Variants in RBMS3 observed in about 807,000 individuals in gnomAD.
The protein encoded by RBMS3 is RNA-binding motif, single-stranded-interacting protein 3.
In RBMS3, 27 loss-of-function variants were observed where a neutral mutation model predicts 66.8. The ratio of observed to expected loss-of-function variants is 0.40; its 90% CI spans 0.30 to 0.56. The LOEUF is 0.56. Ranked by LOEUF, RBMS3 falls within the 20% of genes least tolerant of loss-of-function variation. The pLI, the probability that RBMS3 is intolerant of heterozygous loss-of-function variation, is 0.40. For synonymous variants in RBMS3, 188 were observed against 183.0 expected, an observed-to-expected ratio of 1.03 and a Z score of -0.22; for missense variants, 513 against 549.5, an observed-to-expected ratio of 0.93 and a Z score of 0.66.
intron 1 of RBMS3, among the ~76,000 whole-genome samples, chr3:29,416,549 TTC>T (rs2040484895): frequency 6.6e-6 from 1 of 152,160 alleles, no homozygotes; most frequent in African/African-American, 2.4e-5. Context: ...CATTTTTTTT[TTC>T]CTTGCAGTGG....
chr3:29,446,020 A>G (rs188599041), intron 2 of RBMS3, among the ~76,000 whole-genome samples: 75 of 152,328 alleles, frequency 4.9e-4, no homozygotes, highest in African/African-American at 1.7e-3. Context: ...AACAATCAAG[A>G]TATAAAACAT....
At chr3:29,886,134 T>A (rs2059863931) in intron 8 of RBMS3, among the ~76,000 whole-genome samples, 1 of 151,858 alleles carries the variant, frequency 6.6e-6, no homozygotes, top group Non-Finnish European at 1.5e-5. Flanking sequence ...GATAAAAATG[T>A]CATCACAAAA....
intron 13 of RBMS3, among the ~76,000 whole-genome samples, chr3:29,990,798 T>A (rs189868332): frequency 1.3e-5 from 2 of 152,176 alleles, no homozygotes; most frequent in Admixed American, 1.3e-4. Flanking sequence ...TGGATAAATG[T>A]GCAAACCTGG....
chr3:29,595,689 A>T (rs759484307), intron 4 of RBMS3, among the ~76,000 whole-genome samples: 19 of 152,212 alleles, frequency 1.2e-4, no homozygotes, highest in Non-Finnish European at 2.5e-4. Context: ...CCACTGAAAA[A>T]GACAAAGAAG....
intron 3 of RBMS3, among the ~76,000 whole-genome samples, chr3:29,542,653 G>C (rs187277761): frequency 1.3e-5 from 2 of 152,150 alleles, no homozygotes; most frequent in Non-Finnish European, 2.9e-5. Context: ...GAGCCACCAC[G>C]CCCAGCCCAT....
intron 3 of RBMS3, among the ~76,000 whole-genome samples, chr3:29,541,966 A>G (rs2045780006): frequency 6.6e-6 from 1 of 152,022 alleles, no homozygotes; most frequent in Non-Finnish European, 1.5e-5. Flanking sequence ...ACCCCAGCTA[A>G]AGGATCAAAT....
At chr3:29,304,596 G>A (rs1416235656) in intron 1 of RBMS3, among the ~76,000 whole-genome samples, 1 of 151,924 alleles carries the variant, frequency 6.6e-6, no homozygotes, top group African/African-American at 2.4e-5. Context: ...CCATGTATGG[G>A]AATGTTGTAA....
intron 4 of RBMS3, among the ~76,000 whole-genome samples, chr3:29,664,267 A>G (rs1020898645): frequency 1.3e-5 from 2 of 152,164 alleles, no homozygotes; most frequent in African/African-American, 4.8e-5. Flanking sequence ...AGGCAGGAAG[A>G]TCACAAGGTC....
At position 30,005,556 on chromosome 3, in the gene RBMS3, T is replaced by A. The variant is rs926424635; in HGVS notation, c.*1694T>A. ...TGGTGAGTGGTCTCCTGGAAAGGTCTCATTGTATTTGAACAATAGTCTTCC... is the reference window on the plus strand; with the variant it reads ...TGGTGAGTGGTCTCCTGGAAAGGTCACATTGTATTTGAACAATAGTCTTCC... On this transcript the variant is annotated 3_prime_UTR_variant, in exon 15 of 15. Coordinates refer to ENST00000383767, the MANE Select transcript of RBMS3 (RefSeq NM_001003793.3). 6.6e-6 allele frequency: 1 copy of A among 151,938 alleles called. No homozygotes were observed. The highest frequency in any genetic ancestry group is 2.4e-5 in the African/African-American group (1 of 41,410). 9.4% of individuals were successfully genotyped at this position (151,938 alleles called of 1,614,324 possible).
chr3:29,359,146 C>T (rs2037407066), intron 1 of RBMS3, among the ~76,000 whole-genome samples: 1 of 152,102 alleles, frequency 6.6e-6, no homozygotes, highest in Admixed American at 6.5e-5. Context: ...GGAATGCTTC[C>T]AGTTTTTGCC....
At chr3:29,372,080 A>G (rs2038233943) in intron 1 of RBMS3, among the ~76,000 whole-genome samples, 1 of 152,218 alleles carries the variant, frequency 6.6e-6, no homozygotes, top group Non-Finnish European at 1.5e-5. Context: ...AAGACACCGT[A>G]GAAGTGCACA....
intron 1 of RBMS3, among the ~76,000 whole-genome samples, chr3:29,384,257 T>C (rs1461558247): frequency 6.6e-6 from 1 of 151,934 alleles, no homozygotes; most frequent in Non-Finnish European, 1.5e-5. Context: ...TTGAGGCTGC[T>C]GTGAGCCGTG....
rs553520590 is a variant in RBMS3, at chr3:29,559,510, C to CAAAAAAAAAAAAAA, written c.308-27574_308-27561dup. Among the ~76,000 whole-genome samples the CAAAAAAAAAAAAAA allele has an allele frequency of 5.6e-4, 23 of 41,338 alleles. 2 individuals are homozygous for CAAAAAAAAAAAAAA. The highest frequency in any genetic ancestry group is 8.2e-4 in the African/African-American group (11 of 13,396). The allele number at this position is 41,338 out of a possible 152,430, so 27.1% of individuals were successfully genotyped here. On this transcript the variant is annotated intron_variant, in intron 3 of 14. Transcript: ENST00000383767. Reference sequence around the variant, plus strand: ...TGGGTGACAGAGGAAGACTCTGTCTCAAAAAAAAAAAAAAAAAAAAAAAAA... The same window carrying CAAAAAAAAAAAAAA: ...TGGGTGACAGAGGAAGACTCTGTCTCAAAAAAAAAAAAAAAAAAAAAAAAAAAAAAAAAAAAAAA...
chr3:29,358,532 C>T (rs991347018), intron 1 of RBMS3, among the ~76,000 whole-genome samples: 1 of 151,884 alleles, frequency 6.6e-6, no homozygotes, highest in African/African-American at 2.4e-5. Flanking sequence ...AATGCAGGCT[C>T]TTTGTTGGTT....
chr3:29,670,199 G>A (rs2050936163), intron 4 of RBMS3, among the ~76,000 whole-genome samples: 1 of 152,134 alleles, frequency 6.6e-6, no homozygotes, highest in Non-Finnish European at 1.5e-5. Context: ...CAAAATTCAT[G>A]TGTTCCTTCC....
intron 2 of RBMS3, among the ~76,000 whole-genome samples, chr3:29,467,228 A>G (rs1443896058): frequency 6.6e-6 from 1 of 152,190 alleles, no homozygotes; most frequent in Non-Finnish European, 1.5e-5. Context: ...GTTGCTGTAC[A>G]AAATCATGCA....
rs188297704 is a variant in RBMS3, at chr3:29,586,125, C to A, written c.308-989C>A. On this transcript the variant is annotated intron_variant, in intron 3 of 14. Coordinates refer to ENST00000383767, the MANE Select transcript of RBMS3 (RefSeq NM_001003793.3). ...GTATAAGAATACAGATGATTCCCTG[C>A]CTGACAGATGAGAAGAAGTATAGGA... Among the ~76,000 whole-genome samples the A allele has an allele frequency of 2.0e-3, 306 of 152,084 alleles. 1 individual carries two copies. The highest frequency in any genetic ancestry group is 3.4e-3 in the Middle Eastern group (1 of 294).
intron 12 of RBMS3, among the ~76,000 whole-genome samples, chr3:29,970,638 A>C (rs1007645078): frequency 1.3e-5 from 2 of 152,184 alleles, no homozygotes; most frequent in Non-Finnish European, 2.9e-5. Context: ...ATGATTGTCT[A>C]AAATCCTCAA....
At chr3:29,290,107 A>G (rs1232830240) in intron 1 of RBMS3, among the ~76,000 whole-genome samples, 1 of 151,838 alleles carries the variant, frequency 6.6e-6, no homozygotes, top group Admixed American at 6.6e-5. Flanking sequence ...TATGTATGTG[A>G]GTCATATTTG....
Sources: allele counts gnomAD v4.1 joint callset (sites outside exome capture counted in the v4.1 genomes callset), GRCh38; gene constraint gnomAD v4.1.1; transcripts MANE v1.5; gene names NCBI Gene and HGNC (gene_info 2026-07-23, HGNC 2026-07-21).